KCNMB3: variants seen among roughly 807,000 people sequenced by gnomAD.
KCNMB3 encodes potassium calcium-activated channel subfamily M regulatory beta subunit 3.
In KCNMB3, 18 loss-of-function variants were observed where a neutral mutation model predicts 11.9. That is an observed-to-expected ratio of 1.51 (90% confidence interval 1.04 to 2.23). The LOEUF is 2.23. Among genes scored for constraint, KCNMB3 ranks in the 30% most tolerant of loss-of-function variants. The pLI is 0.00. For missense variants in KCNMB3, 247 were observed against 329.4 expected, an observed-to-expected ratio of 0.75 and a Z score of 1.94; for synonymous variants, 78 against 119.2, an observed-to-expected ratio of 0.65 and a Z score of 2.25.
chr3:179,241,240 TAAC>T (rs1424507990), downstream of KCNMB3: 4 of 152,060 alleles, frequency 2.6e-5, no homozygotes, highest in Admixed American at 6.6e-5. Context: ...TTCCATAAAA[TAAC>T]AACTGCGTGA....
At chr3:179,266,768 C>G in exon 1 of KCNMB3, 1 of 1,604,004 alleles carries the variant, frequency 6.2e-7, no homozygotes. Flanking sequence ...CCTGCGGGCG[C>G]AAGAAAGGTG....
chr3:179,252,709 T>A (rs977111684), upstream of KCNMB3, among the ~76,000 whole-genome samples: 1 of 151,664 alleles, frequency 6.6e-6, no homozygotes, highest in Non-Finnish European at 1.5e-5. Flanking sequence ...GGAAAAAAAA[T>A]TTAATGAAAT....
intron 1 of KCNMB3, among the ~76,000 whole-genome samples, chr3:179,261,765 T>C (rs1272144492): frequency 7.2e-5 from 11 of 152,268 alleles, no homozygotes; most frequent in Non-Finnish European, 1.5e-4. Flanking sequence ...TGAGGGTAAA[T>C]AGCTAATACT....
At chr3:179,260,909 T>C (rs1251981710) in intron 1 of KCNMB3, 19 of 1,127,244 alleles carry the variant, frequency 1.7e-5, no homozygotes, top group Admixed American at 3.9e-5. Context: ...TAACTGAGCA[T>C]TGGAAAACAT....
chr3:179,266,301 G>A (rs1053527453), intron 1 of KCNMB3, among the ~76,000 whole-genome samples: 1 of 152,172 alleles, frequency 6.6e-6, no homozygotes, highest in Non-Finnish European at 1.5e-5. Flanking sequence ...TCACCAATGG[G>A]ACCAAATGCT....
intron 1 of KCNMB3, among the ~76,000 whole-genome samples, chr3:179,264,749 A>G (rs1170001619): frequency 6.6e-6 from 1 of 152,246 alleles, no homozygotes; most frequent in Non-Finnish European, 1.5e-5. Flanking sequence ...GCTGTGGCTC[A>G]TCAAAACTTC....
chr3:179,254,296 T>G (rs1725940970), upstream of KCNMB3, among the ~76,000 whole-genome samples: 1 of 152,148 alleles, frequency 6.6e-6, no homozygotes, highest in Non-Finnish European at 1.5e-5. Context: ...ACCTTAACAC[T>G]GACTAAAAGA....
At chr3:179,252,889 G>A (rs1725893821), upstream of KCNMB3, among the ~76,000 whole-genome samples, 4 of 151,636 alleles carry the variant, frequency 2.6e-5, no homozygotes, top group Non-Finnish European at 4.4e-5. Context: ...CCACCACCAC[G>A]CCCGGCTAAT....
chr3:179,259,127 G>A, intron 1 of KCNMB3: 7 of 1,580,672 alleles, frequency 4.4e-6, no homozygotes, highest in Non-Finnish European at 6.0e-6. Context: ...GTGCCAACAA[G>A]TCATGGTTTT....
rs746928574 is a variant in KCNMB3 at position 179,250,860 on chromosome 3, C to G, written c.131G>C (p.Arg44Thr). 4 of 1,614,186 alleles carry G rather than the reference C, an allele frequency of 2.5e-6. No individual in the cohort carries two copies. Among genetic ancestry groups the G allele is most frequent in the Non-Finnish European group, 3.4e-6 (4 of 1,180,018 alleles). The part of the protein sequence containing the change: ...SDGDPLDVHK[R>T]LPSSAGEDRA... Reference sequence around the variant, plus strand: ...GTCCTCTCCAGCACTGGATGGCAGCCTCTTGTGCACATCTAGTGGGTCTCC... The same window carrying G: ...GTCCTCTCCAGCACTGGATGGCAGCGTCTTGTGCACATCTAGTGGGTCTCC... The change falls in exon 1 of 3, where the codon AGG becomes ACG. Residue 44 changes from arginine (R) to threonine (T), a missense_variant. Transcript: ENST00000392685.
upstream of KCNMB3, chr3:179,251,463 A>C: frequency 4.3e-6 from 6 of 1,404,078 alleles, no homozygotes; most frequent in Non-Finnish European, 5.5e-6. Flanking sequence ...AGAATTATGA[A>C]GTTGTCATGG....
intron 1 of KCNMB3, among the ~76,000 whole-genome samples, chr3:179,248,346 C>A (rs976880686): frequency 6.6e-6 from 1 of 152,118 alleles, no homozygotes; most frequent in Non-Finnish European, 1.5e-5. Flanking sequence ...CTAAAGTTGA[C>A]CCTTGAACAA....
intron 1 of KCNMB3, among the ~76,000 whole-genome samples, chr3:179,258,367 C>A (rs1726091899): frequency 1.3e-5 from 2 of 152,148 alleles, no homozygotes; most frequent in African/African-American, 4.8e-5. Flanking sequence ...GATCCAAAAG[C>A]ATTGGTTCAA....
chr3:179,245,514 TG>T (rs11364967), intron 1 of KCNMB3, among the ~76,000 whole-genome samples: 17,103 of 147,676 alleles, frequency 0.12, 1,129 homozygotes, highest in African/African-American at 0.18. Context: ...TTAATTTTTT[TG>T]GGGGGGGGGA....
chr3:179,251,127 A>G, upstream of KCNMB3: 1 of 1,614,190 alleles, frequency 6.2e-7, no homozygotes, highest in Non-Finnish European at 8.5e-7. Flanking sequence ...AGTGATGTGT[A>G]ATCAAGTATT....
At chr3:179,250,147 G>C (rs1332307687) in intron 1 of KCNMB3, among the ~76,000 whole-genome samples, 2 of 152,148 alleles carry the variant, frequency 1.3e-5, no homozygotes, top group Non-Finnish European at 2.9e-5. Context: ...TGTTGAGTAG[G>C]CTGAGGAGGA....
At position 179,250,907 on chromosome 3, in the gene KCNMB3, C is replaced by T; in HGVS notation, c.84G>A (p.Lys28=). The change falls in exon 1 of 3, where the codon AAG becomes AAA. Residue 28 remains lysine, a synonymous_variant. Coordinates refer to ENST00000392685, the MANE Select transcript of KCNMB3 (RefSeq NM_171830.2). ...QRTAFPASGK[K]RETDYSDGDP... ...CTCCATCACTGTAGTCTGTCTCTCT[C>T]TTCTTCCCTGAGGCAGGAAAGGCTG... 1 of 1,614,152 alleles carries T rather than the reference C, an allele frequency of 6.2e-7. No individual in the cohort carries two copies. The highest frequency in any genetic ancestry group is 1.1e-5 in the South Asian group (1 of 91,076).
intron 1 of KCNMB3, chr3:179,258,953 C>G (rs765491199): frequency 6.2e-7 from 1 of 1,613,820 alleles, no homozygotes; most frequent in Non-Finnish European, 8.5e-7. Flanking sequence ...CTTACATTGG[C>G]AGTGGAGAGA....
chr3:179,253,852 C>T (rs1468920118), upstream of KCNMB3, among the ~76,000 whole-genome samples: 1 of 151,818 alleles, frequency 6.6e-6, no homozygotes, highest in East Asian at 1.9e-4. Flanking sequence ...TTAAAAAGCC[C>T]ACATAGATAT....
Sources: gnomAD v4.1 joint callset for allele counts (sites outside exome capture counted in the v4.1 genomes callset) on GRCh38, gnomAD v4.1.1 for gene constraint, MANE v1.5 for transcripts, NCBI Gene and HGNC (gene_info 2026-07-23, HGNC 2026-07-21) for gene names.